Variants in SOX6 observed in about 807,000 individuals in gnomAD.
SOX6 encodes SRY-box transcription factor 6.
SOX6 carries 11 observed loss-of-function variants against 97.8 expected under a neutral mutation model. That is an observed-to-expected ratio of 0.11 (90% confidence interval 0.07 to 0.19). The LOEUF (loss-of-function observed/expected upper bound fraction) is 0.19. SOX6 is among the 10% of genes least tolerant of loss of function. The probability of loss-of-function intolerance (pLI) is 1.00; values close to 1 mark genes in which losing one functional copy is unlikely to be tolerated. For missense variants in SOX6, 810 were observed against 1,039.5 expected (o/e 0.78, Z 3.04); for synonymous variants, 360 against 371.4 (o/e 0.97, Z 0.35).
intron 9 of SOX6, among the ~76,000 whole-genome samples, chr11:16,059,621 T>C (rs1364315567): frequency 6.6e-6 from 1 of 152,054 alleles, no homozygotes; most frequent in African/African-American, 2.4e-5. Flanking sequence ...TTGCTTTCTT[T>C]GGAACAATTT....
At chr11:16,626,736 A>G (rs932237559) in intron 3 of SOX6, among the ~76,000 whole-genome samples, 7 of 152,218 alleles carry the variant, frequency 4.6e-5, no homozygotes, top group African/African-American at 1.7e-4. Context: ...TGTATATTCA[A>G]TGCAGAGGTC....
In SOX6 at chr11:16,055,566, C is replaced by G. The variant is rs759244151; in HGVS notation, c.1251+186G>C. ...TTGAGGTAAAGATCTCACAATACGG[C>G]ACTATTGTTATCAAAACACCTGTTT... On this transcript the variant is annotated intron_variant, in intron 10 of 15. Transcript: ENST00000683767. 5.9e-5 allele frequency among the ~76,000 whole-genome samples: 9 copies of G among 152,130 alleles called. 1 individual carries two copies. The highest frequency in any genetic ancestry group is 3.9e-4 in the Admixed American group (6 of 15,274).
At chr11:16,628,868 G>A (rs1190143592) in intron 3 of SOX6, among the ~76,000 whole-genome samples, 1 of 151,960 alleles carries the variant, frequency 6.6e-6, no homozygotes, top group Non-Finnish European at 1.5e-5. Context: ...GATATTTCCT[G>A]GATATGACTA....
chr11:16,646,431 T>G (rs949303083), intron 3 of SOX6: 10 of 152,212 alleles, frequency 6.6e-5, no homozygotes, highest in African/African-American at 2.4e-4. Context: ...ATTTTGTGTC[T>G]TAGGTTTATC....
intron 9 of SOX6, among the ~76,000 whole-genome samples, chr11:16,092,890 A>G (rs770410776): frequency 1.3e-5 from 2 of 151,412 alleles, no homozygotes; most frequent in Non-Finnish European, 3.0e-5. Flanking sequence ...TTCCCACGAC[A>G]ATATTTCTTC....
intron 3 of SOX6, among the ~76,000 whole-genome samples, chr11:16,256,207 A>G (rs781130401): frequency 3.3e-5 from 5 of 152,028 alleles, no homozygotes; most frequent in Non-Finnish European, 5.9e-5. Flanking sequence ...TTATCAGGTC[A>G]GCATTATCCT....
intron 3 of SOX6, among the ~76,000 whole-genome samples, chr11:16,642,400 G>C (rs1045471598): frequency 1.3e-5 from 2 of 152,054 alleles, no homozygotes; most frequent in Admixed American, 1.3e-4. Context: ...GTGTCTTGGA[G>C]TTGCTCTTCT....
Position 16,610,280 on chromosome 11 carries a change from C to T in SOX6, n.609+1801G>A, listed in dbSNP as rs1407597559. The stretch of plus-strand genomic sequence containing the variant: ...TAGATTAAGTCTCAAAGACCAAGTC[C>T]TCAGGGAAGAGCCACCTAGAGAGGT... On this transcript the variant is annotated intron_variant and non_coding_transcript_variant, in intron 4 of 5. Transcript: ENST00000524520. This position sits in a 1 kb window ranked among gnomAD's most constrained non-coding sequence, Gnocchi z 4.4. 2.0e-5 allele frequency among the ~76,000 whole-genome samples: 3 copies of T among 151,902 alleles called. No homozygotes were observed. Among genetic ancestry groups the T allele is most frequent in the African/African-American group, 4.8e-5 (2 of 41,328 alleles).
At chr11:16,544,011 G>GAGCT (rs1317709986) in intron 4 of SOX6, among the ~76,000 whole-genome samples, 2 of 152,120 alleles carry the variant, frequency 1.3e-5, no homozygotes, top group Non-Finnish European at 2.9e-5. Context: ...AATTGAGGTA[G>GAGCT]AGCTACACAA....
rs7946963 is a variant in SOX6, at chr11:16,527,900, C to T, written n.610-51512G>A. On this transcript the variant is annotated intron_variant and non_coding_transcript_variant, in intron 4 of 5. Transcript: ENST00000524520. ...TTGTGACGGCAGCAAAGCTCCAAAA[C>T]ACAAAAATTGGTAAAAGAAATGGTT... 9.5e-3 allele frequency among the ~76,000 whole-genome samples: 1,450 copies of T among 152,204 alleles called. 23 individuals carry two copies. The highest frequency in any genetic ancestry group is 0.033 in the African/African-American group (1,372 of 41,552).
At chr11:16,209,846 G>T (rs2118359) in intron 4 of SOX6, among the ~76,000 whole-genome samples, 41,186 of 151,982 alleles carry the variant, frequency 0.27, 6,102 homozygotes, top group African/African-American at 0.39. Context: ...CAGAACTGAG[G>T]TGGAAAACTA....
chr11:16,170,364 TAA>T lies in SOX6; in HGVS notation c.777+13520_777+13521del, dbSNP rs879502500. On this transcript the variant is annotated intron_variant, in intron 6 of 15. Transcript: ENST00000683767. ...ATACAACTTCACAGCTACTTAGTCT[TAA>T]AAAAAAAAAACCTTTCTATCATTCA... Among the ~76,000 whole-genome samples the T allele has an allele frequency of 2.6e-4, 38 of 143,902 alleles. No homozygotes were observed. The East Asian group carries it at 7.2e-3, about 27-fold the overall frequency. The allele number at this position is 143,902 out of a possible 152,430, so 94.4% of individuals were successfully genotyped here. A position where few individuals can be genotyped will look rare whatever the true frequency, so the allele number is the denominator to read the frequency against.
chr11:16,644,299 C>T (rs552922131), intron 3 of SOX6, among the ~76,000 whole-genome samples: 46 of 152,324 alleles, frequency 3.0e-4, no homozygotes, highest in African/African-American at 1.1e-3. Context: ...CTCAGCCTCT[C>T]AAAGTGCTGG....
intron 3 of SOX6, among the ~76,000 whole-genome samples, chr11:16,251,217 A>G (rs886078526): frequency 6.6e-6 from 1 of 151,634 alleles, no homozygotes; most frequent in African/African-American, 2.4e-5. Flanking sequence ...CTCTATCTTA[A>G]AAGCTGGAAA....
chr11:16,457,782 T>C (rs1290126003), intron 1 of SOX6, among the ~76,000 whole-genome samples: 1 of 152,086 alleles, frequency 6.6e-6, no homozygotes, highest in Non-Finnish European at 1.5e-5. Flanking sequence ...CCAAAAAGTA[T>C]GTTGAGTTTT....
At chr11:16,559,151 AG>A (rs1336453170) in intron 4 of SOX6, among the ~76,000 whole-genome samples, 1 of 152,108 alleles carries the variant, frequency 6.6e-6, no homozygotes, top group Non-Finnish European at 1.5e-5. Flanking sequence ...AAAAAGTAAT[AG>A]GAAGACTGAC....
In SOX6 at chr11:16,610,021, C is replaced by T. The variant is rs757432159; in HGVS notation, n.609+2060G>A. Among the ~76,000 whole-genome samples, 2 of 152,196 alleles carry T rather than the reference C, an allele frequency of 1.3e-5. No homozygotes were observed. The highest frequency in any genetic ancestry group is 2.1e-4 in the South Asian group (1 of 4,830). ...AGGCCAGGGCTCCCAGAACTGCCTG[C>T]GGGCCCCTTGACCTCTAAGGCCCAA... On this transcript the variant is annotated intron_variant and non_coding_transcript_variant, in intron 4 of 5. Transcript: ENST00000524520. The surrounding 1 kb of genome is among the most constrained non-coding windows in gnomAD (Gnocchi z 4.4).
intron 8 of SOX6, among the ~76,000 whole-genome samples, chr11:16,096,335 C>T (rs1848793593): frequency 6.6e-6 from 1 of 151,768 alleles, no homozygotes; most frequent in South Asian, 2.1e-4. Flanking sequence ...AGAAGATACT[C>T]AATAGCACAG....
At chr11:16,713,045 G>C (rs920014778) in intron 3 of SOX6, among the ~76,000 whole-genome samples, 10 of 152,212 alleles carry the variant, frequency 6.6e-5, no homozygotes, top group Middle Eastern at 3.4e-3. Flanking sequence ...GATCCAGAAA[G>C]ACAAGTGATT....
Sources: gnomAD v4.1 joint callset for allele counts (sites outside exome capture counted in the v4.1 genomes callset) on GRCh38, gnomAD v4.1.1 for gene constraint, Gnocchi (gnomAD v3.1) non-coding constraint, MANE v1.5 for transcripts, NCBI Gene and HGNC (gene_info 2026-07-23, HGNC 2026-07-21) for gene names.